EPC1: variants seen among roughly 807,000 people sequenced by gnomAD.
EPC1 encodes the protein enhancer of polycomb 1.
Under a neutral mutation model 98.4 loss-of-function variants are expected in EPC1, and 12 were observed. That is an observed-to-expected ratio of 0.12 (90% CI 0.08 to 0.20). The LOEUF (loss-of-function observed/expected upper bound fraction) is 0.20, where lower values mean the gene tolerates loss of function less well. Ranked by LOEUF, EPC1 falls within the 10% of genes least tolerant of loss-of-function variation. The probability of loss-of-function intolerance (pLI) is 1.00; values close to 1 mark genes in which losing one functional copy is unlikely to be tolerated. For synonymous variants in EPC1, 357 were observed against 363.9 expected (o/e 0.98, Z 0.21); for missense variants, 729 against 990.5 (o/e 0.74, Z 3.54).
At chr10:32,355,718 C>G (rs952900748) in intron 1 of EPC1, among the ~76,000 whole-genome samples, 2 of 148,948 alleles carry the variant, frequency 1.3e-5, no homozygotes, top group African/African-American at 5.0e-5. Flanking sequence ...TCAAGCCATT[C>G]TCCTGCCTCA....
chr10:32,305,475 AG>A (rs1819582404), intron 2 of EPC1, among the ~76,000 whole-genome samples: 1 of 150,526 alleles, frequency 6.6e-6, no homozygotes, highest in Non-Finnish European at 1.5e-5. Context: ...AATTCTAAAC[AG>A]GAAGAAAACT....
chr10:32,344,174 TTA>T (rs1210340641), intron 1 of EPC1, among the ~76,000 whole-genome samples: 2 of 152,318 alleles, frequency 1.3e-5, no homozygotes, highest in African/African-American at 4.8e-5. Context: ...TCAATTACCT[TTA>T]TGTTTAATAT....
chr10:32,360,823 G>T (rs1029071309), intron 1 of EPC1, among the ~76,000 whole-genome samples: 1 of 152,014 alleles, frequency 6.6e-6, no homozygotes, highest in Non-Finnish European at 1.5e-5. Flanking sequence ...GAACCCAGGA[G>T]GCGAAGGTTG....
intron 1 of EPC1, among the ~76,000 whole-genome samples, chr10:32,344,777 A>G (rs572382812): frequency 3.0e-4 from 46 of 152,244 alleles, no homozygotes; most frequent in African/African-American, 1.1e-3. Flanking sequence ...ACAGAGTGAG[A>G]CTCCATCTCA....
Position 32,296,649 on chromosome 10 carries a change from C to T in EPC1, c.314-2912G>A, listed in dbSNP as rs571720826. Among the ~76,000 whole-genome samples, 9 of 152,272 alleles carry T rather than the reference C, an allele frequency of 5.9e-5. No individual in the cohort carries two copies. In the South Asian group the frequency reaches 1.2e-3, roughly 21 times the overall value. On this transcript the variant is annotated intron_variant, in intron 2 of 13. Coordinates refer to ENST00000319778, the MANE Select transcript of EPC1 (RefSeq NM_001272004.3). ...CAGGGGCCAGGCGTAGTGGCTCACG[C>T]CTGTAATCCAGCACTTTGGGAGGCC...
chr10:32,313,138 T>C (rs921327269), intron 1 of EPC1, among the ~76,000 whole-genome samples: 2 of 152,148 alleles, frequency 1.3e-5, no homozygotes, highest in African/African-American at 4.8e-5. Flanking sequence ...TAAAGGAGGA[T>C]ACAGCCATTC....
intron 2 of EPC1, among the ~76,000 whole-genome samples, chr10:32,295,034 T>C (rs1033880000): frequency 6.6e-6 from 1 of 152,188 alleles, no homozygotes; most frequent in African/African-American, 2.4e-5. Flanking sequence ...TTTTTGATTT[T>C]TCCCCACCCA....
rs1004777591 is a variant in EPC1 at position 32,345,226 on chromosome 10, G to T, written c.153+1537C>A. 3 of 985,268 alleles carry T rather than the reference G, an allele frequency of 3.0e-6. No individual in the cohort carries two copies. In the Admixed American group the frequency reaches 1.8e-4, roughly 61 times the overall value. The allele number at this position is 985,268 out of a possible 1,614,324, so 61.0% of individuals were successfully genotyped here. On this transcript the variant is annotated intron_variant, in intron 1 of 13. Transcript: ENST00000319778. ...AATAAATTAAGAGGTAGTGTCTCAT[G>T]AGACAATGTGCTGAAAGTCAGTGCC...
intron 1 of EPC1, chr10:32,346,533 C>T (rs1838827543): frequency 1.9e-6 from 1 of 533,400 alleles, no homozygotes; most frequent in East Asian, 3.3e-5. Context: ...TCCGCGGGAC[C>T]CGGGTACAAG....
At chr10:32,279,018 T>C (rs1564520948) in intron 10 of EPC1, among the ~76,000 whole-genome samples, 1 of 152,178 alleles carries the variant, frequency 6.6e-6, no homozygotes, top group Non-Finnish European at 1.5e-5. Flanking sequence ...CTCCAGACTC[T>C]GCTACAGATG....
chr10:32,368,730 G>A (rs573966201), intron 1 of EPC1, among the ~76,000 whole-genome samples: 2,737 of 152,248 alleles, frequency 0.018, 87 homozygotes, highest in African/African-American at 0.061. Context: ...CCTGAATGCG[G>A]TAATCTTTTA....
At chr10:32,328,510 T>C (rs1837438327) in intron 1 of EPC1, among the ~76,000 whole-genome samples, 1 of 152,152 alleles carries the variant, frequency 6.6e-6, no homozygotes, top group African/African-American at 2.4e-5. Context: ...AGGAAGCAGG[T>C]TGTCAAGGGT....
intron 1 of EPC1, among the ~76,000 whole-genome samples, chr10:32,310,044 A>C (rs1189711334): frequency 6.6e-6 from 1 of 151,758 alleles, no homozygotes; most frequent in African/African-American, 2.4e-5. Context: ...AAAATACAAA[A>C]ATTAGCCAGG....
intron 1 of EPC1, among the ~76,000 whole-genome samples, chr10:32,334,456 TAA>T (rs55976619): frequency 0.79 from 115,891 of 146,186 alleles, 46,574 homozygotes; most frequent in East Asian, 0.94. Flanking sequence ...ATATAACAGC[TAA>T]AAAAAAAAAA....
At chr10:32,326,259 G>C (rs1218020283) in intron 1 of EPC1, among the ~76,000 whole-genome samples, 1 of 152,134 alleles carries the variant, frequency 6.6e-6, no homozygotes, top group Admixed American at 6.5e-5. Context: ...CGTGTGGCTG[G>C]GAGGGGTTAG....
intron 1 of EPC1, among the ~76,000 whole-genome samples, chr10:32,358,709 G>A (rs1444959504): frequency 1.3e-5 from 2 of 151,702 alleles, no homozygotes; most frequent in East Asian, 3.9e-4. Flanking sequence ...CAGAACCAAT[G>A]TCTGCTGTTC....
At chr10:32,273,695 A>G (rs1204176476) in intron 10 of EPC1, among the ~76,000 whole-genome samples, 2 of 152,184 alleles carry the variant, frequency 1.3e-5, no homozygotes, top group African/African-American at 2.4e-5. Flanking sequence ...TATTTAATCC[A>G]TATCTTCCCA....
At chr10:32,305,075 TATTC>T (rs1437210811) in intron 2 of EPC1, among the ~76,000 whole-genome samples, 4 of 152,280 alleles carry the variant, frequency 2.6e-5, no homozygotes, top group East Asian at 1.9e-4. Flanking sequence ...AGCTCTCAGC[TATTC>T]ATCACCAAAT....
chr10:32,331,276 C>T (rs1002000738), intron 1 of EPC1, among the ~76,000 whole-genome samples: 14 of 151,188 alleles, frequency 9.3e-5, no homozygotes, highest in South Asian at 2.1e-4. Context: ...TGCTTGAACC[C>T]GGGAGGCAGA....
Sources: gnomAD v4.1 joint callset for allele counts (sites outside exome capture counted in the v4.1 genomes callset) on GRCh38, gnomAD v4.1.1 for gene constraint, MANE v1.5 for transcripts, NCBI Gene and HGNC (gene_info 2026-07-23, HGNC 2026-07-21) for gene names.